The following ZEB1 variants were observed in gnomAD, a reference collection of about 807,000 sequenced individuals.
ZEB1 encodes zinc finger E-box binding homeobox 1, also known as zinc finger E-box-binding homeobox 1.
In ZEB1, 21 loss-of-function variants were observed where a neutral mutation model predicts 84.9. The observed-to-expected ratio is 0.25, with a 90% CI of 0.18 to 0.36. The LOEUF (loss-of-function observed/expected upper bound fraction) is 0.36. Ranked by LOEUF, ZEB1 falls within the 10% of genes least tolerant of loss-of-function variation. The probability of loss-of-function intolerance (pLI) is 1.00; values close to 1 mark genes in which losing one functional copy is unlikely to be tolerated. For missense variants in ZEB1, 1,104 were observed against 1,330.2 expected (o/e 0.83, Z 2.65); for synonymous variants, 420 against 471.1 (o/e 0.89, Z 1.41).
intron 3 of ZEB1, among the ~76,000 whole-genome samples, chr10:31,497,925 A>ATAGATAGAT (rs2067487271): frequency 7.7e-5 from 1 of 12,964 alleles, no homozygotes; most frequent in Non-Finnish European, 1.4e-4. Context: ...GGATGGAAAA[A>ATAGATAGAT]TAGATAGATA....
intron 2 of ZEB1, among the ~76,000 whole-genome samples, chr10:31,473,187 T>C (rs2063529318): frequency 6.6e-6 from 1 of 151,300 alleles, no homozygotes. Flanking sequence ...CTATTCAACA[T>C]AGTGTTGGAA....
chr10:31,380,924 G>A (rs541622790), intron 1 of ZEB1, among the ~76,000 whole-genome samples: 1 of 152,234 alleles, frequency 6.6e-6, no homozygotes, highest in East Asian at 1.9e-4. Flanking sequence ...GGTCCTATAG[G>A]AGTTGGAGAC....
At chr10:31,393,654 A>G (rs1041685938) in intron 1 of ZEB1, among the ~76,000 whole-genome samples, 2 of 152,196 alleles carry the variant, frequency 1.3e-5, no homozygotes, top group African/African-American at 4.8e-5. Context: ...ATTAAAAACA[A>G]TTCAACATCT....
intron 4 of ZEB1, among the ~76,000 whole-genome samples, chr10:31,502,949 G>GC (rs1261284384): frequency 3.9e-5 from 6 of 152,096 alleles, no homozygotes; most frequent in African/African-American, 1.4e-4. Flanking sequence ...TGAATAGTCA[G>GC]CGTACAGAGT....
intron 1 of ZEB1, among the ~76,000 whole-genome samples, chr10:31,323,639 G>A (rs1246938575): frequency 6.6e-6 from 1 of 151,950 alleles, no homozygotes; most frequent in Non-Finnish European, 1.5e-5. Flanking sequence ...TCTGTAGTTC[G>A]TACGTTGCTG....
At chr10:31,443,933 T>A (rs2059404220) in intron 1 of ZEB1, among the ~76,000 whole-genome samples, 1 of 149,978 alleles carries the variant, frequency 6.7e-6, no homozygotes, top group Non-Finnish European at 1.5e-5. Flanking sequence ...TACCCAGTAA[T>A]GGGATGGCTG....
intron 1 of ZEB1, chr10:31,321,745 G>T: frequency 1.5e-6 from 1 of 655,442 alleles, no homozygotes; most frequent in Non-Finnish European, 2.7e-6. Flanking sequence ...ACACTCGTAA[G>T]GCATATCAAC....
At chr10:31,361,192 C>G (rs1056588414) in intron 1 of ZEB1, 4 of 1,611,738 alleles carry the variant, frequency 2.5e-6, no homozygotes, top group African/African-American at 2.7e-5. Flanking sequence ...CCATCCTGCT[C>G]TCAACTACAA....
intron 1 of ZEB1, among the ~76,000 whole-genome samples, chr10:31,369,409 A>G (rs139109813): frequency 3.3e-5 from 5 of 152,230 alleles, no homozygotes; most frequent in Non-Finnish European, 5.9e-5. Flanking sequence ...CTCTACTTCT[A>G]TGAATTTAAT....
At chr10:31,394,092 C>T (rs577193862) in intron 1 of ZEB1, among the ~76,000 whole-genome samples, 127 of 152,236 alleles carry the variant, frequency 8.3e-4, no homozygotes, top group Non-Finnish European at 1.3e-3. Flanking sequence ...AATCTGAGGT[C>T]AGAAAACAAA....
intron 1 of ZEB1, among the ~76,000 whole-genome samples, chr10:31,354,394 A>T (rs545619203): frequency 6.6e-6 from 1 of 152,202 alleles, no homozygotes; most frequent in Non-Finnish European, 1.5e-5. Context: ...AAGCTCATCA[A>T]TTGTAAGGCA....
At chr10:31,376,565 T>C (rs2134637584) in intron 1 of ZEB1, among the ~76,000 whole-genome samples, 1 of 151,856 alleles carries the variant, frequency 6.6e-6, no homozygotes, top group East Asian at 1.9e-4. Context: ...CATTTAAAAC[T>C]ACCAAGTTGT....
chr10:31,328,848 T>C (rs570645824), intron 1 of ZEB1, among the ~76,000 whole-genome samples: 37 of 152,286 alleles, frequency 2.4e-4, no homozygotes, highest in African/African-American at 8.9e-4. Context: ...CTGTGCATTC[T>C]ATATTTGAAT....
chr10:31,327,812 C>T (rs908090089), intron 1 of ZEB1, among the ~76,000 whole-genome samples: 6 of 152,174 alleles, frequency 3.9e-5, no homozygotes, highest in Admixed American at 6.5e-5. Flanking sequence ...TGCCAGCCTT[C>T]GGTATTGTAC....
At chr10:31,377,864 G>A (rs2046939927) in intron 1 of ZEB1, among the ~76,000 whole-genome samples, 1 of 151,540 alleles carries the variant, frequency 6.6e-6, no homozygotes, top group Admixed American at 6.6e-5. Context: ...AATAATGACA[G>A]CAGTCATTAC....
chr10:31,448,520 T>C (rs2060093720), intron 1 of ZEB1, among the ~76,000 whole-genome samples: 1 of 150,908 alleles, frequency 6.6e-6, no homozygotes, highest in Non-Finnish European at 1.5e-5. Flanking sequence ...TTTTCTGTTC[T>C]GTTTTTTCCC....
intron 4 of ZEB1, among the ~76,000 whole-genome samples, chr10:31,506,705 T>A (rs2069040206): frequency 6.6e-6 from 1 of 152,120 alleles, no homozygotes; most frequent in Admixed American, 6.5e-5. Flanking sequence ...TCACAGTTTT[T>A]ATCCATTCAG....
Position 31,527,460 on chromosome 10 carries a change from A to C in ZEB1, c.*196A>C. 55 of 681,626 alleles carry C rather than the reference A, an allele frequency of 8.1e-5. No individual in the cohort carries two copies. Among genetic ancestry groups the C allele is most frequent in the East Asian group, 1.8e-4 (6 of 32,812 alleles). The allele number at this position is 681,626 out of a possible 1,614,324, so 42.2% of individuals were successfully genotyped here. ...ACACACACACACACACACAAAATAA[A>C]TCCGGGTGTGCCTGAACCTCAGACC... On this transcript the variant is annotated 3_prime_UTR_variant, in exon 9 of 9. Coordinates refer to ENST00000424869, the MANE Select transcript of ZEB1 (RefSeq NM_001174096.2).
chr10:31,454,214 T>A (rs2060926460), intron 1 of ZEB1, among the ~76,000 whole-genome samples: 2 of 152,154 alleles, frequency 1.3e-5, no homozygotes, highest in South Asian at 4.1e-4. Flanking sequence ...CAACACCCCT[T>A]CATGCTAGAA....
Sources: gnomAD v4.1 joint callset for allele counts (sites outside exome capture counted in the v4.1 genomes callset) on GRCh38, gnomAD v4.1.1 for gene constraint, MANE v1.5 for transcripts, NCBI Gene and HGNC (gene_info 2026-07-23, HGNC 2026-07-21) for gene names.